BRD3: variants seen among roughly 807,000 people sequenced by gnomAD.
BRD3 encodes bromodomain containing 3.
A neutral mutation model predicts 66.8 loss-of-function variants in BRD3; 17 were observed. The observed-to-expected ratio is 0.25, with a 90% CI of 0.17 to 0.38. The LOEUF is 0.38. Ranked by LOEUF, BRD3 falls within the 10% of genes least tolerant of loss-of-function variation. The pLI is 1.00. For missense variants in BRD3, 713 were observed against 956.1 expected (o/e 0.75, Z 3.35); for synonymous variants, 421 against 393.2 (o/e 1.07, Z -0.84).
At chr9:134,043,779 C>A (rs1018079514) in intron 7 of BRD3, among the ~76,000 whole-genome samples, 1 of 152,210 alleles carries the variant, frequency 6.6e-6, no homozygotes, top group Non-Finnish European at 1.5e-5. Context: ...CAGTCTCCAA[C>A]GCCCGGGCTC....
At chr9:134,061,601 G>T (rs1177203837) in intron 1 of BRD3, among the ~76,000 whole-genome samples, 1 of 152,196 alleles carries the variant, frequency 6.6e-6, no homozygotes, top group African/African-American at 2.4e-5. Context: ...CTGGGCCTCT[G>T]TACCTGTGTC....
intron 4 of BRD3, among the ~76,000 whole-genome samples, chr9:134,050,836 C>T (rs981484885): frequency 1.3e-5 from 2 of 152,098 alleles, no homozygotes; most frequent in African/African-American, 4.8e-5. Context: ...GGAGGCGGAA[C>T]GAGGAAGCCA....
Position 134,051,710 on chromosome 9 carries a change from C to G in BRD3, c.352-1G>C. On this transcript the variant is annotated splice_acceptor_variant, in intron 3 of 11. Transcript: ENST00000303407. LOFTEE classifies it high-confidence loss of function. ...CCATTAGCACTATGTCATCTGTGGG[C>G]TGAAGACACAGAGAGTCCAGGTCAC... 6.3e-7 allele frequency: 1 copy of G among 1,591,008 alleles called. No homozygotes were observed.
chr9:134,060,203 A>G (rs551296969), intron 1 of BRD3, among the ~76,000 whole-genome samples: 5 of 152,362 alleles, frequency 3.3e-5, no homozygotes, highest in African/African-American at 1.2e-4. Flanking sequence ...CTTAGACACA[A>G]GAGGATCCGA....
At chr9:134,040,373 C>G in intron 8 of BRD3, 104 bp from the exon 9 acceptor site, 1 of 1,346,734 alleles carries the variant, frequency 7.4e-7, no homozygotes, top group Non-Finnish European at 1.0e-6. Context: ...GTCGGAGCTG[C>G]CTCAGCTGGG....
At chr9:134,054,452 G>A (rs999658385) in intron 1 of BRD3, 1 of 152,318 alleles carries the variant, frequency 6.6e-6, no homozygotes, top group African/African-American at 2.4e-5. Context: ...CTCCAACCAT[G>A]GCCAGGGCCC....
intron 8 of BRD3, among the ~76,000 whole-genome samples, chr9:134,040,856 G>GC (rs1830029170): frequency 6.6e-6 from 1 of 152,178 alleles, no homozygotes; most frequent in African/African-American, 2.4e-5. Flanking sequence ...TTAATCCAGG[G>GC]CCTCCCTGCA....
chr9:134,066,891 C>T (rs1368207134), intron 1 of BRD3, among the ~76,000 whole-genome samples: 5 of 152,216 alleles, frequency 3.3e-5, no homozygotes, highest in Non-Finnish European at 7.3e-5. Context: ...GAGGAACCCA[C>T]ACGATGGACG....
rs1390183947 is a variant in BRD3 at position 134,056,444 on chromosome 9, G to A, written c.-113-2854C>T. 3.3e-5 allele frequency among the ~76,000 whole-genome samples: 5 copies of A among 152,180 alleles called. No homozygotes were observed. In the South Asian group the frequency reaches 6.2e-4, roughly 19 times the overall value. ...TCCTGGAACACAAACCCTGCCCTCT[G>A]AGACACCTACACCCCACACACTCAG... is the stretch of plus-strand genomic sequence containing the variant. On this transcript the variant is annotated intron_variant, in intron 1 of 11. Coordinates refer to ENST00000303407, the MANE Select transcript of BRD3 (RefSeq NM_007371.4).
rs564462589 is a variant in BRD3, at chr9:134,062,687, C to T, written c.-114+5258G>A. On this transcript the variant is annotated intron_variant, in intron 1 of 11. Coordinates refer to ENST00000303407, the MANE Select transcript of BRD3 (RefSeq NM_007371.4). ...ACCCCCGTGGGACCCTCATGAGGCG[C>T]GTGAGGAGGCCCGACCCTCCACACA... Among the ~76,000 whole-genome samples the T allele has an allele frequency of 2.0e-5, 3 of 152,296 alleles. No individual in the cohort carries two copies. The East Asian group carries it at 5.8e-4, about 29-fold the overall frequency.
chr9:134,065,562 G>C (rs866710421), intron 1 of BRD3, among the ~76,000 whole-genome samples: 1 of 152,250 alleles, frequency 6.6e-6, no homozygotes, highest in East Asian at 1.9e-4. Context: ...TGAAAACCAA[G>C]AGACCCGCAG....
chr9:134,030,385 C>T lies in BRD3; in HGVS notation c.*3205G>A, dbSNP rs1475227696. 1 of 124,432 alleles carries T rather than the reference C, an allele frequency of 8.0e-6. No individual in the cohort carries two copies. The highest frequency in any genetic ancestry group is 3.3e-5 in the African/African-American group (1 of 30,050). 7.7% of individuals were successfully genotyped at this position (124,432 alleles called of 1,614,324 possible). A position where few individuals can be genotyped will look rare whatever the true frequency, so the allele number is the denominator to read the frequency against. On this transcript the variant is annotated 3_prime_UTR_variant, in exon 12 of 12. Transcript: ENST00000303407. ...GAGAAGGGTCCATGATTACCAGAAA[C>T]ATCAAAGAGTACTTTCTACCATTTT...
chr9:134,041,845 C>T lies in BRD3; in HGVS notation c.1322G>A (p.Arg441His), dbSNP rs56017928. Residue 441 changes from arginine (R) to histidine (H), a missense_variant, in exon 8 of 12, where the codon CGT becomes CAT. Coordinates refer to ENST00000303407, the MANE Select transcript of BRD3 (RefSeq NM_007371.4). ...GTCCGAAGAGCTCTCCTCACTGCTA[C>T]GGCTGCTCTCAGCGCCCTTGCTCAC... is the stretch of plus-strand genomic sequence containing the variant. ...PMVSKGAESS[R>H]SSEESSSDSG... The T allele has an allele frequency of 1.2e-4, 187 of 1,612,854 alleles. No homozygotes were observed. The highest frequency in any genetic ancestry group is 2.5e-4 in the East Asian group (11 of 44,880).
intron 5 of BRD3, 110 bp from the exon 6 acceptor site, chr9:134,048,564 C>G: frequency 6.6e-7 from 1 of 1,509,208 alleles, no homozygotes; most frequent in Non-Finnish European, 9.0e-7. Context: ...CTGGGCTAAG[C>G]GGCCACATGC....
chr9:134,041,101 C>T (rs941612143), intron 8 of BRD3, among the ~76,000 whole-genome samples: 2 of 152,238 alleles, frequency 1.3e-5, no homozygotes, highest in Non-Finnish European at 2.9e-5. Flanking sequence ...GCAGGGCCAT[C>T]GCTGTCCTTG....
At chr9:134,056,338 C>A (rs1369705113) in intron 1 of BRD3, among the ~76,000 whole-genome samples, 2 of 152,214 alleles carry the variant, frequency 1.3e-5, no homozygotes, top group African/African-American at 4.8e-5. Flanking sequence ...CTGAGGGGTG[C>A]AGTATAAAAA....
chr9:134,042,670 CAT>C (rs902164054), intron 7 of BRD3, among the ~76,000 whole-genome samples: 26 of 131,372 alleles, frequency 2.0e-4, no homozygotes, highest in South Asian at 8.4e-4. Context: ...CACACACACA[CAT>C]ATATATACAC....
chr9:134,047,093 G>A (rs1003146004), intron 6 of BRD3, among the ~76,000 whole-genome samples: 3 of 152,230 alleles, frequency 2.0e-5, no homozygotes, highest in Admixed American at 6.5e-5. Context: ...GGCCCCGCTC[G>A]TCACTTTCAC....
intron 9 of BRD3, 116 bp from the exon 10 acceptor site, chr9:134,036,440 C>G: frequency 6.3e-7 from 1 of 1,577,150 alleles, no homozygotes. Context: ...AAGCTTTCTT[C>G]CCAAAGTGGT....
Sources: gnomAD v4.1 joint callset for allele counts (sites outside exome capture counted in the v4.1 genomes callset) on GRCh38, gnomAD v4.1.1 for gene constraint, MANE v1.5 for transcripts, NCBI Gene and HGNC (gene_info 2026-07-23, HGNC 2026-07-21) for gene names.